ARL15: variants seen among roughly 807,000 people sequenced by gnomAD.
ARL15 encodes ADP-ribosylation factor-like protein 15.
In ARL15, 19 loss-of-function variants were observed where a neutral mutation model predicts 25.2. That is an observed-to-expected ratio of 0.75 (90% CI 0.53 to 1.10). ARL15 has a LOEUF of 1.10. Among genes scored for constraint, ARL15 ranks in the 50% least tolerant of loss-of-function variants. The probability of loss-of-function intolerance (pLI) is 0.00; values close to 1 mark genes in which losing one functional copy is unlikely to be tolerated. For synonymous variants in ARL15, 94 were observed against 86.8 expected (o/e 1.08, Z -0.46); for missense variants, 220 against 246.0 (o/e 0.89, Z 0.71).
chr5:53,952,533 A>G (rs809798), intron 4 of ARL15, among the ~76,000 whole-genome samples: 52,963 of 151,866 alleles, frequency 0.35, 9,446 homozygotes, highest in Admixed American at 0.41. Context: ...TTAGCACTAC[A>G]TTAAAAAAAA....
intron 1 of ARL15, among the ~76,000 whole-genome samples, chr5:54,218,214 T>G (rs543213136): frequency 6.6e-6 from 1 of 152,292 alleles, no homozygotes; most frequent in East Asian, 1.9e-4. Context: ...CCTCTGACTT[T>G]TAAAGACTTA....
intron 4 of ARL15, among the ~76,000 whole-genome samples, chr5:54,103,161 A>T (rs1752488859): frequency 6.6e-6 from 1 of 151,932 alleles, no homozygotes; most frequent in Admixed American, 6.6e-5. Flanking sequence ...AAAACTTGTA[A>T]ATTTTTTTTT....
intron 4 of ARL15, among the ~76,000 whole-genome samples, chr5:54,004,340 A>G: frequency 6.6e-6 from 1 of 152,050 alleles, no homozygotes; most frequent in East Asian, 1.9e-4. Flanking sequence ...TAAAAATACA[A>G]AAATTAGCTG....
At chr5:54,264,846 A>G (rs1172071757) in intron 1 of ARL15, among the ~76,000 whole-genome samples, 1 of 152,166 alleles carries the variant, frequency 6.6e-6, no homozygotes, top group Non-Finnish European at 1.5e-5. Context: ...CAACCCCTTT[A>G]TCATGTGCTA....
At chr5:53,906,280 T>C (rs941884882) in intron 4 of ARL15, among the ~76,000 whole-genome samples, 1 of 152,208 alleles carries the variant, frequency 6.6e-6, no homozygotes, top group Non-Finnish European at 1.5e-5. Flanking sequence ...CAATCTTCTA[T>C]CAAACTGATT....
chr5:53,913,359 T>C (rs2111986804), intron 4 of ARL15, among the ~76,000 whole-genome samples: 1 of 152,312 alleles, frequency 6.6e-6, no homozygotes, highest in Admixed American at 6.5e-5. Flanking sequence ...TCCTATCCCC[T>C]TAACTGAGTT....
intron 4 of ARL15, among the ~76,000 whole-genome samples, chr5:53,935,392 A>G (rs1297742432): frequency 3.3e-5 from 5 of 152,238 alleles, no homozygotes; most frequent in Admixed American, 2.6e-4. Context: ...ACAGAATACT[A>G]TTCAGCTACT....
intron 4 of ARL15, among the ~76,000 whole-genome samples, chr5:53,888,261 TTTTATTTA>T (rs1381418370): frequency 2.0e-5 from 3 of 150,326 alleles, no homozygotes; most frequent in African/African-American, 7.3e-5. Flanking sequence ...TCTTTTTTTG[TTTTATTTA>T]TTTATTTTTT....
intron 4 of ARL15, among the ~76,000 whole-genome samples, chr5:53,979,756 G>A (rs1189616840): frequency 1.3e-5 from 2 of 152,096 alleles, no homozygotes; most frequent in Non-Finnish European, 2.9e-5. Context: ...CCCAGCAAGA[G>A]ATGCCAAAAT....
chr5:53,919,592 G>A (rs1379326112), intron 4 of ARL15, among the ~76,000 whole-genome samples: 3 of 152,172 alleles, frequency 2.0e-5, no homozygotes, highest in Non-Finnish European at 4.4e-5. Flanking sequence ...GTTTGAGCAC[G>A]CCTGTGTGTG....
intron 3 of ARL15, among the ~76,000 whole-genome samples, chr5:54,143,341 T>C (rs1753820760): frequency 6.6e-6 from 1 of 152,020 alleles, no homozygotes; most frequent in Admixed American, 6.6e-5. Flanking sequence ...TATGAAATCT[T>C]TTTCTTTAGT....
At chr5:53,992,727 T>C (rs1748543884) in intron 4 of ARL15, among the ~76,000 whole-genome samples, 1 of 152,218 alleles carries the variant, frequency 6.6e-6, no homozygotes, top group South Asian at 2.1e-4. Context: ...AGATATCACA[T>C]ATTTAGGCAC....
At chr5:54,089,698 C>T (rs1040792683) in intron 4 of ARL15, among the ~76,000 whole-genome samples, 1 of 151,898 alleles carries the variant, frequency 6.6e-6, no homozygotes, top group South Asian at 2.1e-4. Flanking sequence ...CAGGAGATAC[C>T]AGTCAATGTA....
At position 53,895,636 on chromosome 5, in the gene ARL15, C is replaced by T. The variant is rs78777550; in HGVS notation, c.463-8923G>A. Among the ~76,000 whole-genome samples, 3 of 152,218 alleles carry T rather than the reference C, an allele frequency of 2.0e-5. No individual in the cohort carries two copies. The South Asian group carries it at 6.2e-4, about 32-fold the overall frequency. ...TTTGTTAAATTTACACCACCTGAAG[C>T]CTAGCTTTTCCTGAAATTTTTGTGT... On this transcript the variant is annotated intron_variant, in intron 4 of 4. Coordinates refer to ENST00000504924, the MANE Select transcript of ARL15 (RefSeq NM_019087.3).
chr5:54,141,414 A>T (rs375474256), intron 3 of ARL15, among the ~76,000 whole-genome samples: 1 of 152,020 alleles, frequency 6.6e-6, no homozygotes, highest in African/African-American at 2.4e-5. Context: ...ATAAATTTTC[A>T]TTGGAAAGCA....
At chr5:54,177,728 C>T (rs1240561123) in intron 1 of ARL15, among the ~76,000 whole-genome samples, 1 of 152,130 alleles carries the variant, frequency 6.6e-6, no homozygotes, top group Non-Finnish European at 1.5e-5. Context: ...ACTCCGGCCA[C>T]CCTCCAAATC....
chr5:54,290,180 A>G (rs1758288238), intron 1 of ARL15, among the ~76,000 whole-genome samples: 4 of 152,202 alleles, frequency 2.6e-5, no homozygotes, highest in Admixed American at 1.3e-4. Flanking sequence ...ACTGATGCAA[A>G]ACAATAAACA....
chr5:54,115,088 G>A (rs777183135), intron 3 of ARL15, among the ~76,000 whole-genome samples: 19 of 152,172 alleles, frequency 1.2e-4, no homozygotes, highest in Non-Finnish European at 2.5e-4. Context: ...CAATCAGGGT[G>A]AAAGCACTGT....
At chr5:54,208,416 G>A (rs961984458) in intron 1 of ARL15, among the ~76,000 whole-genome samples, 10 of 150,620 alleles carry the variant, frequency 6.6e-5, no homozygotes, top group Admixed American at 4.0e-4. Context: ...ACACACACAC[G>A]CACACACACA....
Sources: allele counts gnomAD v4.1 joint callset (sites outside exome capture counted in the v4.1 genomes callset), GRCh38; gene constraint gnomAD v4.1.1; transcripts MANE v1.5; gene names NCBI Gene and HGNC (gene_info 2026-07-23, HGNC 2026-07-21).